HS6ST2: variants seen among roughly 807,000 people sequenced by gnomAD.
The protein encoded by HS6ST2 is heparan sulfate 6-O-sulfotransferase 2.
Under a neutral mutation model 33.0 loss-of-function variants are expected in HS6ST2, and 17 were observed. That is an observed-to-expected ratio of 0.52 (90% CI 0.35 to 0.77). The LOEUF (loss-of-function observed/expected upper bound fraction) is 0.77. HS6ST2 is among the 30% of genes least tolerant of loss of function. The pLI is 0.01. For synonymous variants in HS6ST2, 248 were observed against 237.1 expected (o/e 1.05, Z -0.42); for missense variants, 519 against 551.7 (o/e 0.94, Z 0.59).
chrX:132,690,497 T>C (rs922783956), intron 3 of HS6ST2, among the ~76,000 whole-genome samples: 1 of 112,430 alleles, frequency 8.9e-6, no homozygotes, highest in Non-Finnish European at 1.9e-5. Flanking sequence ...CTTTGGTTTG[T>C]TCCTCATACA....
intron 2 of HS6ST2, among the ~76,000 whole-genome samples, chrX:132,804,172 G>T (rs1831331733): frequency 8.9e-6 from 1 of 112,256 alleles, no homozygotes; most frequent in Non-Finnish European, 1.9e-5. Context: ...AAGGACTGTT[G>T]ACAGGTTTTC....
At chrX:132,904,607 A>G (rs1452272143) in intron 2 of HS6ST2, among the ~76,000 whole-genome samples, 2 of 107,124 alleles carry the variant, frequency 1.9e-5, no homozygotes, top group African/African-American at 6.9e-5. Flanking sequence ...GCAGTGGCAC[A>G]ACCTCGAACT....
intron 2 of HS6ST2, among the ~76,000 whole-genome samples, chrX:132,930,308 T>C (rs1448774611): frequency 9.0e-6 from 1 of 110,972 alleles, no homozygotes; most frequent in Non-Finnish European, 1.9e-5. Flanking sequence ...ATTACAGACA[T>C]GTGCCACCAA....
At chrX:132,862,842 G>A (rs185192148) in intron 2 of HS6ST2, among the ~76,000 whole-genome samples, 13 of 112,064 alleles carry the variant, frequency 1.2e-4, no homozygotes, top group African/African-American at 4.2e-4. Context: ...AACCGTAGTT[G>A]CAGTAGTGAA....
At chrX:132,873,174 C>A (rs2066080454) in intron 2 of HS6ST2, among the ~76,000 whole-genome samples, 2 of 111,928 alleles carry the variant, frequency 1.8e-5, no homozygotes, top group South Asian at 7.5e-4. Flanking sequence ...ACTAATTGCT[C>A]TGTTTTACTC....
intron 2 of HS6ST2, among the ~76,000 whole-genome samples, chrX:132,935,215 A>T (rs1448706165): frequency 3.1e-5 from 1 of 32,438 alleles, no homozygotes; most frequent in African/African-American, 1.3e-4. Context: ...AAAAAGATCA[A>T]TGGAGAAATA....
At chrX:132,860,543 A>G (rs2065901026) in intron 2 of HS6ST2, among the ~76,000 whole-genome samples, 1 of 111,970 alleles carries the variant, frequency 8.9e-6, no homozygotes, top group Non-Finnish European at 1.9e-5. Context: ...CTGCTCATCA[A>G]AATGAGGAGT....
chrX:132,935,453 C>T (rs917505864), intron 2 of HS6ST2, among the ~76,000 whole-genome samples: 4 of 111,837 alleles, frequency 3.6e-5, no homozygotes, highest in Admixed American at 2.9e-4. Flanking sequence ...ACCTCCACCT[C>T]CCAGGACTCA....
At chrX:132,764,704 T>C (rs1011537029) in intron 2 of HS6ST2, among the ~76,000 whole-genome samples, 12 of 111,881 alleles carry the variant, frequency 1.1e-4, no homozygotes, top group Non-Finnish European at 7.5e-5. Flanking sequence ...CTTCCCTACT[T>C]ACCAAGTTAA....
intron 2 of HS6ST2, among the ~76,000 whole-genome samples, chrX:132,741,242 G>A (rs764625755): frequency 1.8e-5 from 2 of 110,708 alleles, no homozygotes; most frequent in African/African-American, 3.3e-5. Context: ...TTTAAGACTT[G>A]TTCTAGCCCT....
At chrX:132,913,321 G>A (rs2148471962) in intron 2 of HS6ST2, among the ~76,000 whole-genome samples, 1 of 112,337 alleles carries the variant, frequency 8.9e-6, no homozygotes, top group South Asian at 3.7e-4. Flanking sequence ...TGGGGCTGCG[G>A]GCTGGAGCAG....
At chrX:132,852,057 G>A (rs947381448) in intron 2 of HS6ST2, among the ~76,000 whole-genome samples, 3 of 111,380 alleles carry the variant, frequency 2.7e-5, no homozygotes, top group East Asian at 2.8e-4. Flanking sequence ...AGGGAGGATC[G>A]CTTGAGCCCA....
chrX:132,839,617 A>T (rs1274847156), intron 2 of HS6ST2, among the ~76,000 whole-genome samples: 1 of 110,166 alleles, frequency 9.1e-6, no homozygotes, highest in Non-Finnish European at 1.9e-5. Flanking sequence ...TCCAATGATG[A>T]TTACACTAAA....
chrX:132,705,186 C>CGTGTGT (rs780815738), intron 3 of HS6ST2, among the ~76,000 whole-genome samples: 2,263 of 81,326 alleles, frequency 0.028, 38 homozygotes, highest in South Asian at 0.064. Context: ...GATGTGGGCA[C>CGTGTGT]GCGTGTGTGT....
At chrX:132,870,394 C>T (rs2066045947) in intron 2 of HS6ST2, among the ~76,000 whole-genome samples, 2 of 111,940 alleles carry the variant, frequency 1.8e-5, no homozygotes, top group Non-Finnish European at 3.8e-5. Context: ...CATTGGCTTT[C>T]TTCACAGAAT....
At chrX:132,715,041 C>T (rs2064261600) in intron 2 of HS6ST2, among the ~76,000 whole-genome samples, 1 of 112,089 alleles carries the variant, frequency 8.9e-6, no homozygotes, top group Non-Finnish European at 1.9e-5. Context: ...CAAATCATTT[C>T]GGTACCATCC....
intron 1 of HS6ST2, among the ~76,000 whole-genome samples, chrX:132,957,747 C>T (rs1459315383): frequency 9.0e-6 from 1 of 111,385 alleles, no homozygotes; most frequent in Admixed American, 9.4e-5. Flanking sequence ...ATCCCCATCC[C>T]GCTTCGTCCG....
At chrX:132,645,942 TAGAC>T (rs973049658) in intron 4 of HS6ST2, among the ~76,000 whole-genome samples, 3 of 111,941 alleles carry the variant, frequency 2.7e-5, no homozygotes, top group African/African-American at 9.8e-5. Context: ...GACTGAGAAA[TAGAC>T]AGTTCCAGTC....
At chrX:132,775,005 C>G (rs766079912) in intron 2 of HS6ST2, among the ~76,000 whole-genome samples, 68 of 111,080 alleles carry the variant, frequency 6.1e-4, no homozygotes, top group African/African-American at 2.2e-3. Context: ...CTTCATGATC[C>G]ATCTCTGCTC....
Sources: allele counts gnomAD v4.1 joint callset (sites outside exome capture counted in the v4.1 genomes callset), GRCh38; gene constraint gnomAD v4.1.1; transcripts MANE v1.5; gene names NCBI Gene and HGNC (gene_info 2026-07-23, HGNC 2026-07-21).